CDH3: variants seen among roughly 807,000 people sequenced by gnomAD.
CDH3 encodes cadherin-3.
In CDH3, 54 loss-of-function variants were observed where a neutral mutation model predicts 82.0. That is an observed-to-expected ratio of 0.66 (90% CI 0.53 to 0.83). The LOEUF (loss-of-function observed/expected upper bound fraction) is 0.83, where lower values mean the gene tolerates loss of function less well. Ranked by LOEUF, CDH3 falls within the 40% of genes least tolerant of loss-of-function variation. The pLI, the probability that CDH3 is intolerant of heterozygous loss-of-function variation, is 0.00. For missense variants in CDH3, 1,054 were observed against 1,084.6 expected (o/e 0.97, Z 0.40); for synonymous variants, 446 against 437.9 (o/e 1.02, Z -0.23).
At chr16:68,726,735 C>T (rs535002684) in intron 2 of CDH3, among the ~76,000 whole-genome samples, 143 of 152,084 alleles carry the variant, frequency 9.4e-4, no homozygotes, top group African/African-American at 3.2e-3. Context: ...CCCACCACCA[C>T]GCCTGGCTAA....
intron 2 of CDH3, chr16:68,646,102 G>T (rs1459907351): frequency 1.3e-5 from 4 of 315,712 alleles, no homozygotes; most frequent in African/African-American, 2.2e-5. Context: ...CAACCCGCGC[G>T]CAGGTGTGGG....
chr16:68,686,707 G>A, intron 11 of CDH3: 2 of 751,690 alleles, frequency 2.7e-6, no homozygotes, highest in South Asian at 2.7e-5. Context: ...TATTGGAATG[G>A]CATCAACGTG....
intron 6 of CDH3, among the ~76,000 whole-genome samples, chr16:68,679,238 C>T (rs150572710): frequency 6.6e-6 from 1 of 152,324 alleles, no homozygotes; most frequent in East Asian, 1.9e-4. Flanking sequence ...GACCTCTGAG[C>T]CTCACTTCTC....
At chr16:68,673,528 G>T (rs1208967625) in intron 2 of CDH3, among the ~76,000 whole-genome samples, 1 of 150,444 alleles carries the variant, frequency 6.6e-6, no homozygotes, top group Non-Finnish European at 1.5e-5. Context: ...GCGCAGTCAT[G>T]GCTCACTGCA....
At chr16:68,696,285 G>C (rs1961719847) in intron 15 of CDH3, 14 of 348,114 alleles carry the variant, frequency 4.0e-5, no homozygotes, top group South Asian at 3.2e-4. Flanking sequence ...CAGGCATGGT[G>C]GCGGGCACCT....
chr16:68,717,025 G>T (rs868574410), intron 1 of CDH3, among the ~76,000 whole-genome samples: 1 of 151,944 alleles, frequency 6.6e-6, no homozygotes, highest in African/African-American at 2.4e-5. Flanking sequence ...AAGCCAACAG[G>T]CCTGGCCAAT....
downstream of CDH3, among the ~76,000 whole-genome samples, chr16:68,729,822 A>G (rs564478126): frequency 1.4e-4 from 21 of 151,634 alleles, no homozygotes; most frequent in Middle Eastern, 3.4e-3. Context: ...TTTTGTACAG[A>G]TGGGGTCTCC....
chr16:68,680,538 G>A (rs1419778081), intron 7 of CDH3, among the ~76,000 whole-genome samples: 1 of 152,150 alleles, frequency 6.6e-6, no homozygotes, highest in Non-Finnish European at 1.5e-5. Context: ...AATTAGCTGG[G>A]CGTGGTGGCA....
chr16:68,700,349 A>T (rs1961872342), downstream of CDH3: 1 of 152,260 alleles, frequency 6.6e-6, no homozygotes, highest in Non-Finnish European at 1.5e-5. Context: ...AACCGGAGTT[A>T]TCGGTGCCAC....
At chr16:68,646,345 C>A (rs1960062204) in intron 2 of CDH3, among the ~76,000 whole-genome samples, 1 of 152,206 alleles carries the variant, frequency 6.6e-6, no homozygotes, top group African/African-American at 2.4e-5. Flanking sequence ...CTGGGGCCAT[C>A]ACGTACGGGA....
chr16:68,645,731 C>T lies in CDH3; in HGVS notation c.141C>T (p.Pro47=), dbSNP rs74619658. 2 of 1,544,438 alleles carry T rather than the reference C, an allele frequency of 1.3e-6. No individual in the cohort carries two copies. Among genetic ancestry groups the T allele is most frequent in the African/African-American group, 1.4e-5 (1 of 72,948 alleles). Reference sequence around the variant, plus strand: ...AGGCGGGAGGCGCGGAGCAGGAGCCCGGCCAGGCGCTGGGGAAAGGTAAGA... The same window carrying T: ...AGGCGGGAGGCGCGGAGCAGGAGCCTGGCCAGGCGCTGGGGAAAGGTAAGA... ...TLEAGGAEQE[P]GQALGKVFMG... Residue 47 remains proline, a synonymous_variant, in exon 2 of 16, where the codon CCC becomes CCT. Transcript: ENST00000264012.
rs114239640 is a variant in CDH3, at chr16:68,658,315, A to G, written c.160+12565A>G. On this transcript the variant is annotated intron_variant, in intron 2 of 15. Transcript: ENST00000264012. ...CAGCAGTGGGAAGAGACCTAATGGT[A>G]TATATCCCAGCACAGGCAAGGGAAA... is the stretch of plus-strand genomic sequence containing the variant. Among the ~76,000 whole-genome samples, 474 of 152,280 alleles carry G rather than the reference A, an allele frequency of 3.1e-3. 6 individuals carry two copies. Among genetic ancestry groups the G allele is most frequent in the East Asian group, 0.02 (103 of 5,182 alleles).
downstream of CDH3, among the ~76,000 whole-genome samples, chr16:68,731,020 CAAAAAAAAA>C (rs1168041237): frequency 6.6e-4 from 23 of 34,878 alleles, no homozygotes; most frequent in Admixed American, 2.6e-3. Flanking sequence ...AACTCCGTCT[CAAAAAAAAA>C]AAAAAAAAAA....
At chr16:68,692,328 C>T (rs1028161956) in intron 13 of CDH3, among the ~76,000 whole-genome samples, 9 of 152,186 alleles carry the variant, frequency 5.9e-5, no homozygotes, top group African/African-American at 1.9e-4. Flanking sequence ...TGAGCCACTG[C>T]GCCCGGTCCA....
chr16:68,662,767 C>T (rs911771195), intron 2 of CDH3, among the ~76,000 whole-genome samples: 2 of 151,318 alleles, frequency 1.3e-5, no homozygotes, highest in Non-Finnish European at 2.9e-5. Context: ...AGGATGGTCT[C>T]GATCTCCTGA....
At chr16:68,684,478 C>G in intron 9 of CDH3, 105 bp from the exon 10 acceptor site, 1 of 1,364,516 alleles carries the variant, frequency 7.3e-7, no homozygotes, top group Non-Finnish European at 1.0e-6. Flanking sequence ...TAGTGAGGGC[C>G]TCAAGCCCCT....
intron 3 of CDH3, among the ~76,000 whole-genome samples, 166 bp downstream of exon 3, chr16:68,676,636 T>G (rs562948768): frequency 6.6e-6 from 1 of 152,268 alleles, no homozygotes; most frequent in Non-Finnish European, 1.5e-5. Context: ...TGAGCACTGA[T>G]CTAAGGGGGG....
chr16:68,731,048 ATATAT>A (rs1216579714), downstream of CDH3, among the ~76,000 whole-genome samples: 9 of 10,028 alleles, frequency 9.0e-4, no homozygotes, highest in Admixed American at 1.8e-3. Context: ...AAAAAAAAAA[ATATAT>A]ATATATATAT....
chr16:68,678,259 C>A lies in CDH3; in HGVS notation c.372C>A (p.Phe124Leu), dbSNP rs1157740593. ...ISVPENGKGP[F>L]PQRLNQLKSN... ...TCCCTGAAAATGGCAAGGGTCCCTT[C>A]CCCCAGAGACTGAATCAGGTACGAC... The change falls in exon 4 of 16, where the codon TTC (phenylalanine) becomes TTA (leucine). Residue 124 changes from phenylalanine (F) to leucine (L), a missense_variant. By Grantham distance (22) the Phe-to-Leu change is conservative. Coordinates refer to ENST00000264012, the MANE Select transcript of CDH3 (RefSeq NM_001793.6). 4 of 1,614,120 alleles carry A rather than the reference C, an allele frequency of 2.5e-6. No homozygotes were observed. Among genetic ancestry groups the A allele is most frequent in the Non-Finnish European group, 3.4e-6 (4 of 1,179,984 alleles).
Sources: allele counts gnomAD v4.1 joint callset (sites outside exome capture counted in the v4.1 genomes callset), GRCh38; gene constraint gnomAD v4.1.1; transcripts MANE v1.5; gene names NCBI Gene and HGNC (gene_info 2026-07-23, HGNC 2026-07-21).